The following GRIN2B variants were observed in gnomAD, a reference collection of about 807,000 sequenced individuals.
GRIN2B encodes the protein glutamate ionotropic receptor NMDA type subunit 2B.
GRIN2B carries 5 observed loss-of-function variants against 114.5 expected under a neutral mutation model. The observed-to-expected ratio is 0.04, with a 90% CI of 0.02 to 0.09. GRIN2B has a LOEUF of 0.09. Ranked by LOEUF, GRIN2B falls within the 10% of genes least tolerant of loss-of-function variation. The pLI, the probability that GRIN2B is intolerant of heterozygous loss-of-function variation, is 1.00. For synonymous variants in GRIN2B, 787 were observed against 745.1 expected (o/e 1.06, Z -0.92); for missense variants, 1,108 against 1,943.5 (o/e 0.57, Z 8.08).
At chr12:13,673,860 C>A (rs538485033) in intron 5 of GRIN2B, among the ~76,000 whole-genome samples, 1 of 152,004 alleles carries the variant, frequency 6.6e-6, no homozygotes. Flanking sequence ...TTATGAGCTA[C>A]CTATGAAGCC....
intron 10 of GRIN2B, among the ~76,000 whole-genome samples, chr12:13,599,751 G>C (rs1037974581): frequency 6.6e-6 from 1 of 152,206 alleles, no homozygotes; most frequent in South Asian, 2.1e-4. Context: ...TAGAAACAGA[G>C]ACTAGGCTGT....
At chr12:13,699,299 C>T (rs1438595498) in intron 4 of GRIN2B, among the ~76,000 whole-genome samples, 1 of 152,138 alleles carries the variant, frequency 6.6e-6, no homozygotes. Context: ...AGGACATATA[C>T]ACTTTCTGGA....
chr12:13,596,052 C>T (rs1949069256), intron 10 of GRIN2B, among the ~76,000 whole-genome samples: 1 of 152,002 alleles, frequency 6.6e-6, no homozygotes, highest in African/African-American at 2.4e-5. Context: ...GGCTCACTTC[C>T]CAGAGGTTCC....
chr12:13,581,413 A>G (rs2136426931), intron 10 of GRIN2B, among the ~76,000 whole-genome samples: 1 of 152,302 alleles, frequency 6.6e-6, no homozygotes, highest in South Asian at 2.1e-4. Context: ...TCTGGGCAGC[A>G]TCTGGAGAGG....
At chr12:13,568,505 A>G (rs1948668645) in intron 12 of GRIN2B, among the ~76,000 whole-genome samples, 1 of 152,214 alleles carries the variant, frequency 6.6e-6, no homozygotes, top group Non-Finnish European at 1.5e-5. Context: ...GTAACACTCC[A>G]GCTAAAACAT....
chr12:13,806,488 T>C (rs1383579894), intron 3 of GRIN2B, among the ~76,000 whole-genome samples: 1 of 152,186 alleles, frequency 6.6e-6, no homozygotes, highest in African/African-American at 2.4e-5. Context: ...TGTTGAGCAT[T>C]TTTCCATATA....
chr12:13,874,968 A>G (rs1865972296), intron 2 of GRIN2B, among the ~76,000 whole-genome samples: 1 of 152,184 alleles, frequency 6.6e-6, no homozygotes, highest in Non-Finnish European at 1.5e-5. Context: ...TAGGAGTTAT[A>G]TAGGTAAACG....
chr12:13,818,116 T>C (rs1453186232), intron 3 of GRIN2B, among the ~76,000 whole-genome samples: 1 of 152,224 alleles, frequency 6.6e-6, no homozygotes, highest in African/African-American at 2.4e-5. Flanking sequence ...TTAACATTTG[T>C]ATGATATGTT....
Position 13,677,097 on chromosome 12 carries a change from G to A in GRIN2B, c.1011-1238C>T, listed in dbSNP as rs114473181. ...CTGCATTAGTGCAACTGCACTGATG[G>A]TAATTAATGTCTTTTTACCATAATG... On this transcript the variant is annotated intron_variant, in intron 4 of 13. Transcript: ENST00000609686. Among the ~76,000 whole-genome samples, 314 of 152,252 alleles carry A rather than the reference G, an allele frequency of 2.1e-3. 1 individual carries two copies. Among genetic ancestry groups the A allele is most frequent in the African/African-American group, 7.0e-3 (289 of 41,560 alleles).
chr12:13,879,639 G>A (rs964275806), intron 2 of GRIN2B, among the ~76,000 whole-genome samples: 12 of 152,138 alleles, frequency 7.9e-5, no homozygotes, highest in African/African-American at 2.9e-4. Flanking sequence ...TGCTCTCTCT[G>A]AATCCAGCCT....
rs192492377 is a variant in GRIN2B at position 13,980,632 on chromosome 12, G to T, written c.-447-276C>A. 2.6e-3 allele frequency among the ~76,000 whole-genome samples: 399 copies of T among 152,122 alleles called. 1 individual carries two copies. The highest frequency in any genetic ancestry group is 8.8e-3 in the African/African-American group (366 of 41,486). ...GGAGAGAGGGAGGGAGCGAGCGAAGGAGGGAAGTGGGAAGGAAGGAGGAAG... is the reference window on the plus strand; with the variant it reads ...GGAGAGAGGGAGGGAGCGAGCGAAGTAGGGAAGTGGGAAGGAAGGAGGAAG... On this transcript the variant is annotated intron_variant, in intron 1 of 13. Transcript: ENST00000609686.
intron 2 of GRIN2B, among the ~76,000 whole-genome samples, chr12:13,875,232 A>G (rs754498081): frequency 3.9e-5 from 6 of 152,216 alleles, no homozygotes; most frequent in Non-Finnish European, 8.8e-5. Context: ...AAGAAAAAAA[A>G]TAAAATAAAA....
Position 13,542,230 on chromosome 12 carries a change from C to T in GRIN2B, c.*20553G>A, listed in dbSNP as rs1438954881. 1 of 151,638 alleles carries T rather than the reference C, an allele frequency of 6.6e-6. No homozygotes were observed. The highest frequency in any genetic ancestry group is 1.9e-4 in the East Asian group (1 of 5,134). The allele number at this position is 151,638 out of a possible 1,614,324, so 9.4% of individuals were successfully genotyped here. A position where few individuals can be genotyped will look rare whatever the true frequency, so the allele number is the denominator to read the frequency against. ...AATTGGGCAGAAGCAAAGTTGCTTT[C>T]CAATCCTTTTTATTTGATTTTTTTT... On this transcript the variant is annotated 3_prime_UTR_variant, in exon 14 of 14. Transcript: ENST00000609686.
intron 2 of GRIN2B, among the ~76,000 whole-genome samples, chr12:13,882,428 T>C (rs1233935388): frequency 6.6e-6 from 1 of 152,188 alleles, no homozygotes; most frequent in African/African-American, 2.4e-5. Flanking sequence ...AAATTTTTTT[T>C]TCAAAATTGG....
chr12:13,584,198 C>A (rs1357753789), intron 10 of GRIN2B, among the ~76,000 whole-genome samples: 1 of 152,198 alleles, frequency 6.6e-6, no homozygotes, highest in South Asian at 2.1e-4. Context: ...ACTCACCAGG[C>A]AAGCTCCTAC....
chr12:13,581,552 C>T (rs532212205), intron 10 of GRIN2B, among the ~76,000 whole-genome samples: 42 of 152,316 alleles, frequency 2.8e-4, no homozygotes, highest in African/African-American at 9.6e-4. Flanking sequence ...AGCTCCTTCA[C>T]TGTTCCATGG....
chr12:13,713,058 G>A (rs566518131), intron 4 of GRIN2B, among the ~76,000 whole-genome samples: 2 of 151,952 alleles, frequency 1.3e-5, no homozygotes, highest in South Asian at 4.2e-4. Flanking sequence ...AGCATAAGAT[G>A]AGATACCAAA....
intron 4 of GRIN2B, among the ~76,000 whole-genome samples, chr12:13,740,249 A>C (rs74065264): frequency 0.024 from 3,640 of 152,286 alleles, 143 homozygotes; most frequent in African/African-American, 0.082. Flanking sequence ...ATTTCAAGAA[A>C]AATAAGTCTA....
At chr12:13,620,946 C>G (rs1419171257) in intron 5 of GRIN2B, among the ~76,000 whole-genome samples, 1 of 68,094 alleles carries the variant, frequency 1.5e-5, no homozygotes, top group African/African-American at 3.8e-5. Flanking sequence ...AAAGGTGAAA[C>G]TTTTTTGAAA....
Sources: allele counts gnomAD v4.1 joint callset (sites outside exome capture counted in the v4.1 genomes callset), GRCh38; gene constraint gnomAD v4.1.1; transcripts MANE v1.5; gene names NCBI Gene and HGNC (gene_info 2026-07-23, HGNC 2026-07-21).